Variants in DENND2C observed in about 807,000 individuals in gnomAD.
The protein encoded by DENND2C is DENN domain containing 2C, also known as DENN domain-containing protein 2C.
DENND2C carries 72 observed loss-of-function variants against 112.4 expected under a neutral mutation model. The ratio of observed to expected loss-of-function variants is 0.64; its 90% CI spans 0.53 to 0.78. The LOEUF (loss-of-function observed/expected upper bound fraction) is 0.78. Among genes scored for constraint, DENND2C ranks in the 30% least tolerant of loss-of-function variants. The pLI, the probability that DENND2C is intolerant of heterozygous loss-of-function variation, is 0.00. For missense variants in DENND2C, 992 were observed against 1,113.8 expected, an observed-to-expected ratio of 0.89 and a Z score of 1.56; for synonymous variants, 329 against 381.6, an observed-to-expected ratio of 0.86 and a Z score of 1.61.
At chr1:114,633,525 TATG>T (rs1006930343) in intron 3 of DENND2C, among the ~76,000 whole-genome samples, 5 of 150,628 alleles carry the variant, frequency 3.3e-5, no homozygotes, top group African/African-American at 1.2e-4. Context: ...TCACTTTATA[TATG>T]ATATGAAGTG....
chr1:114,652,378 T>C (rs1657189250), intron 2 of DENND2C, among the ~76,000 whole-genome samples: 1 of 152,192 alleles, frequency 6.6e-6, no homozygotes, highest in African/African-American at 2.4e-5. Flanking sequence ...ATTTGAAAGT[T>C]ACACAATTGA....
Position 114,667,175 on chromosome 1 carries a change from T to C in DENND2C, c.-574+2808A>G, listed in dbSNP as rs140010722. On this transcript the variant is annotated intron_variant, in intron 1 of 20. Transcript: ENST00000393274. ...ATTCATCCTTCAAAGCCAAATTTAATATCTTCTCTCTAATCGTCCTCCCTA... is the reference window on the plus strand; with the variant it reads ...ATTCATCCTTCAAAGCCAAATTTAACATCTTCTCTCTAATCGTCCTCCCTA... Among the ~76,000 whole-genome samples the C allele has an allele frequency of 2.5e-3, 374 of 152,342 alleles. 2 individuals are homozygous for C. Among genetic ancestry groups the C allele is most frequent in the Non-Finnish European group, 3.8e-3 (261 of 68,026 alleles).
At chr1:114,588,134 AC>A (rs1369589239) in intron 18 of DENND2C, among the ~76,000 whole-genome samples, 182 bp from the exon 19 acceptor site, 4 of 151,796 alleles carry the variant, frequency 2.6e-5, no homozygotes, top group African/African-American at 9.7e-5. Context: ...AATTGCTTCT[AC>A]CCTTCCCTTC....
At chr1:114,633,360 G>T (rs538405590) in intron 3 of DENND2C, among the ~76,000 whole-genome samples, 1 of 146,688 alleles carries the variant, frequency 6.8e-6, no homozygotes, top group South Asian at 2.2e-4. Context: ...CATTAGAATC[G>T]CTTGAAGCAA....
chr1:114,663,864 C>T (rs1657571716), intron 1 of DENND2C, among the ~76,000 whole-genome samples: 1 of 151,942 alleles, frequency 6.6e-6, no homozygotes, highest in African/African-American at 2.4e-5. Flanking sequence ...GACCGTATGG[C>T]ACACAAAGTA....
intron 3 of DENND2C, among the ~76,000 whole-genome samples, chr1:114,635,023 G>A (rs547514449): frequency 2.6e-5 from 3 of 116,082 alleles, no homozygotes; most frequent in Admixed American, 1.0e-4. Context: ...GTGAGACTCC[G>A]TCTAAAAAAA....
intron 7 of DENND2C, among the ~76,000 whole-genome samples, chr1:114,621,668 A>C (rs1656170091): frequency 6.6e-6 from 1 of 152,240 alleles, no homozygotes. Context: ...ACTGAAGTGA[A>C]GTCCCCATCT....
intron 18 of DENND2C, among the ~76,000 whole-genome samples, chr1:114,591,842 C>T (rs537701720): frequency 1.3e-4 from 15 of 119,864 alleles, no homozygotes; most frequent in African/African-American, 4.4e-4. Flanking sequence ...CATATAGAGA[C>T]CAATTGTCCT....
intron 2 of DENND2C, among the ~76,000 whole-genome samples, chr1:114,650,744 A>G (rs1657136324): frequency 6.6e-6 from 1 of 151,884 alleles, no homozygotes; most frequent in Non-Finnish European, 1.5e-5. Flanking sequence ...ACACACATTC[A>G]TAACAATTGT....
intron 9 of DENND2C, 43 bp downstream of exon 9, chr1:114,611,030 A>G (rs1340059179): frequency 3.7e-6 from 6 of 1,613,296 alleles, no homozygotes; most frequent in Non-Finnish European, 5.1e-6. Flanking sequence ...CACCTAACCC[A>G]TGATCATCAC....
Position 114,653,033 on chromosome 1 carries a change from C to T in DENND2C, c.-317+1472G>A, listed in dbSNP as rs116259618. ...TTCGATCCGTGATTGGTTGTATCCA[C>T]AGGTGCAAAATCCATGGATACAGAA... On this transcript the variant is annotated intron_variant, in intron 2 of 20. Transcript: ENST00000393274. 7.4e-3 allele frequency among the ~76,000 whole-genome samples: 1,126 copies of T among 152,156 alleles called. 9 individuals carry two copies. Among genetic ancestry groups the T allele is most frequent in the South Asian group, 0.027 (130 of 4,826 alleles).
intron 3 of DENND2C, among the ~76,000 whole-genome samples, chr1:114,644,324 C>T (rs182486236): frequency 6.6e-6 from 1 of 152,236 alleles, no homozygotes; most frequent in Admixed American, 6.5e-5. Flanking sequence ...TATTTGTTTA[C>T]TTCTCTCCCT....
At chr1:114,655,889 T>TATATAC (rs1553238240) in intron 1 of DENND2C, among the ~76,000 whole-genome samples, 2 of 143,404 alleles carry the variant, frequency 1.4e-5, no homozygotes, top group African/African-American at 5.0e-5. Context: ...TATAAATATA[T>TATATAC]ATATATATAT....
intron 11 of DENND2C, among the ~76,000 whole-genome samples, chr1:114,603,407 C>A (rs1366709560): frequency 6.6e-6 from 1 of 151,656 alleles, no homozygotes; most frequent in African/African-American, 2.4e-5. Context: ...GGATTACAGG[C>A]GTGAGCCACA....
chr1:114,627,638 G>GA (rs1204588828), intron 3 of DENND2C, among the ~76,000 whole-genome samples: 1 of 150,576 alleles, frequency 6.6e-6, no homozygotes, highest in African/African-American at 2.4e-5. Context: ...TCATGTGGAT[G>GA]AAAAAAAATA....
At chr1:114,602,924 T>C (rs1393135394) in intron 11 of DENND2C, among the ~76,000 whole-genome samples, 1 of 152,238 alleles carries the variant, frequency 6.6e-6, no homozygotes, top group African/African-American at 2.4e-5. Flanking sequence ...ACAAAGACTT[T>C]TGATACGTTA....
At chr1:114,649,289 CAAAGTA>C (rs2101687762) in intron 2 of DENND2C, among the ~76,000 whole-genome samples, 1 of 152,234 alleles carries the variant, frequency 6.6e-6, no homozygotes, top group East Asian at 1.9e-4. Context: ...AAATCCCCTT[CAAAGTA>C]AAAAATAACT....
At chr1:114,587,985 A>C in intron 18 of DENND2C, 33 bp from the exon 19 acceptor site, 1 of 1,587,294 alleles carries the variant, frequency 6.3e-7, no homozygotes, top group Non-Finnish European at 8.6e-7. Context: ...AAAAGAAAAA[A>C]ATCTCCTCAG....
chr1:114,635,028 AAAAAAAAAAAAAAAAAG>A (rs1302366709), intron 3 of DENND2C, among the ~76,000 whole-genome samples: 1 of 146,968 alleles, frequency 6.8e-6, no homozygotes, highest in African/African-American at 2.5e-5. Flanking sequence ...ACTCCGTCTA[AAAAAAAAAAAAAAAAAG>A]AAAAAAAAGA....
Sources: allele counts gnomAD v4.1 joint callset (sites outside exome capture counted in the v4.1 genomes callset), GRCh38; gene constraint gnomAD v4.1.1; transcripts MANE v1.5; gene names NCBI Gene and HGNC (gene_info 2026-07-23, HGNC 2026-07-21).